The following ANKRD29 variants were observed in gnomAD, a reference collection of about 807,000 sequenced individuals.
The protein encoded by ANKRD29 is ankyrin repeat domain-containing protein 29.
In ANKRD29, 32 loss-of-function variants were observed where a neutral mutation model predicts 38.0. The ratio of observed to expected loss-of-function variants is 0.84; its 90% CI spans 0.64 to 1.13. The LOEUF (loss-of-function observed/expected upper bound fraction) is 1.13, where lower values mean the gene tolerates loss of function less well. Ranked by LOEUF, ANKRD29 falls within the 50% of genes most tolerant of loss-of-function variation. ANKRD29 has a pLI of 0.00. For synonymous variants in ANKRD29, 135 were observed against 152.4 expected (o/e 0.89, Z 0.84); for missense variants, 357 against 377.9 (o/e 0.94, Z 0.46).
intron 1 of ANKRD29, among the ~76,000 whole-genome samples, chr18:23,650,377 C>T (rs759268432): frequency 3.3e-5 from 5 of 152,058 alleles, no homozygotes; most frequent in Non-Finnish European, 5.9e-5. Flanking sequence ...CTCCTGGGCT[C>T]AAGCAATCTA....
chr18:23,616,535 T>C (rs1261102260), intron 8 of ANKRD29, among the ~76,000 whole-genome samples: 1 of 127,064 alleles, frequency 7.9e-6, no homozygotes, highest in Non-Finnish European at 1.6e-5. Flanking sequence ...TGTAAATTTA[T>C]ACTATATATA....
chr18:23,619,453 G>T (rs2059766777), intron 7 of ANKRD29, 78 bp downstream of exon 7: 3 of 1,357,338 alleles, frequency 2.2e-6, no homozygotes, highest in South Asian at 2.9e-5. Flanking sequence ...GTGGGCTGCA[G>T]ACTCAGTCAA....
At chr18:23,653,624 C>T (rs1287256160) in intron 1 of ANKRD29, among the ~76,000 whole-genome samples, 1 of 151,504 alleles carries the variant, frequency 6.6e-6, no homozygotes, top group African/African-American at 2.4e-5. Context: ...CTTCCCTCTT[C>T]TCCCCTCCCC....
chr18:23,619,423 G>A (rs2059766198), intron 7 of ANKRD29, 108 bp downstream of exon 7: 4 of 1,043,048 alleles, frequency 3.8e-6, no homozygotes, highest in African/African-American at 3.3e-5. Context: ...CTCAAGGAAG[G>A]AGGTTGGGAG....
At chr18:23,636,255 C>A (rs2060001547) in intron 4 of ANKRD29, among the ~76,000 whole-genome samples, 1 of 151,770 alleles carries the variant, frequency 6.6e-6, no homozygotes. Context: ...CCTGCCCTAG[C>A]CTCTTGAGTA....
chr18:23,609,821 A>G (rs1243521757), intron 9 of ANKRD29, among the ~76,000 whole-genome samples: 1 of 152,244 alleles, frequency 6.6e-6, no homozygotes, highest in South Asian at 2.1e-4. Flanking sequence ...AAGAAAGGCA[A>G]TTGTGATTTC....
chr18:23,609,810 A>G (rs1171839101), intron 9 of ANKRD29, among the ~76,000 whole-genome samples: 2 of 152,240 alleles, frequency 1.3e-5, no homozygotes, highest in Non-Finnish European at 2.9e-5. Flanking sequence ...GATAAGATCT[A>G]AAGAAAGGCA....
chr18:23,645,157 T>A (rs1403453423), intron 3 of ANKRD29, among the ~76,000 whole-genome samples: 1 of 152,138 alleles, frequency 6.6e-6, no homozygotes, highest in African/African-American at 2.4e-5. Context: ...CCATCTCAGG[T>A]CTGAGTCAGT....
intron 8 of ANKRD29, among the ~76,000 whole-genome samples, chr18:23,615,889 ATATT>A (rs1173542574): frequency 2.7e-5 from 4 of 147,916 alleles, no homozygotes; most frequent in Admixed American, 1.4e-4. Context: ...TATATAGTAT[ATATT>A]TATATTATAT....
chr18:23,656,978 G>A (rs1264534173), intron 1 of ANKRD29, among the ~76,000 whole-genome samples: 1 of 152,154 alleles, frequency 6.6e-6, no homozygotes, highest in Non-Finnish European at 1.5e-5. Flanking sequence ...CCCGGTGGAA[G>A]CAAGGCCTTC....
chr18:23,650,509 A>G lies in ANKRD29; in HGVS notation c.22-1316T>C, dbSNP rs556327262. Among the ~76,000 whole-genome samples, 43 of 152,332 alleles carry G rather than the reference A, an allele frequency of 2.8e-4. No individual in the cohort carries two copies. In the South Asian group the frequency reaches 8.9e-3, roughly 32 times the overall value. ...ATACCTATGGAAAGCATGGAAGTGG[A>G]AAACAGGTCTTCTAAATGGGTGGCA... On this transcript the variant is annotated intron_variant, in intron 1 of 9. Transcript: ENST00000592179.
intron 6 of ANKRD29, 102 bp from the exon 7 acceptor site, chr18:23,619,731 A>G (rs887472338): frequency 1.0e-6 from 1 of 960,316 alleles, no homozygotes; most frequent in African/African-American, 1.7e-5. Flanking sequence ...AAACTCCGGG[A>G]AGGCACTCCC....
At position 23,638,948 on chromosome 18, in the gene ANKRD29, C is replaced by A. The variant is rs745323665; in HGVS notation, c.232-1G>T. ...CAAAGAATAGGGCAGTTGTACCTGA[C>A]TGGGAGAGAGGGAGAGGCTAGTTTT... is the stretch of plus-strand genomic sequence containing the variant. On this transcript the variant is annotated splice_acceptor_variant, in intron 3 of 9. Transcript: ENST00000592179. LOFTEE classifies it high-confidence loss of function. The A allele has an allele frequency of 6.3e-7, 1 of 1,598,408 alleles. No homozygotes were observed. The highest frequency in any genetic ancestry group is 2.2e-5 in the East Asian group (1 of 44,516).
intron 4 of ANKRD29, among the ~76,000 whole-genome samples, chr18:23,637,085 C>T (rs2060012179): frequency 6.6e-6 from 1 of 152,194 alleles, no homozygotes; most frequent in Non-Finnish European, 1.5e-5. Context: ...TGAGATAGTA[C>T]AAACTGGCTC....
At position 23,649,254 on chromosome 18, in the gene ANKRD29, T is replaced by C. The variant is rs1008894563; in HGVS notation, c.22-61A>G. 3.1e-5 allele frequency: 36 copies of C among 1,178,326 alleles called. No homozygotes were observed. In the East Asian group the frequency reaches 8.3e-4, roughly 27 times the overall value. The allele number at this position is 1,178,326 out of a possible 1,614,324, so 73.0% of individuals were successfully genotyped here. ...ATGTCAGTTAACATGACTGCTGCTA[T>C]GCACATAGATAATAACATTCAGAAA... is the stretch of plus-strand genomic sequence containing the variant. On this transcript the variant is annotated intron_variant, in intron 1 of 9. Transcript: ENST00000592179.
At chr18:23,641,705 A>T (rs1467164684) in intron 3 of ANKRD29, among the ~76,000 whole-genome samples, 1 of 151,822 alleles carries the variant, frequency 6.6e-6, no homozygotes, top group Non-Finnish European at 1.5e-5. Context: ...ATCAGCACAC[A>T]CTCCCTCCTT....
intron 9 of ANKRD29, chr18:23,609,076 A>G (rs891386258): frequency 7.2e-5 from 11 of 152,012 alleles, no homozygotes; most frequent in African/African-American, 2.7e-4. Flanking sequence ...CTTGGGCAAC[A>G]AGAGAGAAAT....
intron 6 of ANKRD29, among the ~76,000 whole-genome samples, chr18:23,620,967 G>A (rs1376850733): frequency 1.3e-5 from 2 of 152,168 alleles, no homozygotes; most frequent in African/African-American, 4.8e-5. Flanking sequence ...AGAGAATGGC[G>A]AGACCAGCTG....
chr18:23,601,107 G>A lies in ANKRD29; in HGVS notation c.*119C>T. 1 of 864,616 alleles carries A rather than the reference G, an allele frequency of 1.2e-6. No individual in the cohort carries two copies. The highest frequency in any genetic ancestry group is 1.8e-6 in the Non-Finnish European group (1 of 559,438). The allele number at this position is 864,616 out of a possible 1,614,324, so 53.6% of individuals were successfully genotyped here. ...GCTCTTCTTTGTCAGGGACCCACAG[G>A]ATGGGCATTCTGGGCATCTTTTTTT... On this transcript the variant is annotated 3_prime_UTR_variant, in exon 10 of 10. Transcript: ENST00000592179.
Sources: allele counts gnomAD v4.1 joint callset (sites outside exome capture counted in the v4.1 genomes callset), GRCh38; gene constraint gnomAD v4.1.1; transcripts MANE v1.5; gene names NCBI Gene and HGNC (gene_info 2026-07-23, HGNC 2026-07-21).